Variants in CTBS observed in about 807,000 individuals in gnomAD.
CTBS encodes the protein chitobiase.
A neutral mutation model predicts 44.3 loss-of-function variants in CTBS; 35 were observed. That is an observed-to-expected ratio of 0.79 (90% confidence interval 0.60 to 1.05). The LOEUF (loss-of-function observed/expected upper bound fraction) is 1.05, where lower values mean the gene tolerates loss of function less well. Ranked by LOEUF, CTBS falls within the 50% of genes least tolerant of loss-of-function variation. The pLI is 0.00. For missense variants in CTBS, 458 were observed against 475.3 expected (o/e 0.96, Z 0.34); for synonymous variants, 143 against 168.0 (o/e 0.85, Z 1.15).
rs1264255894 is a variant in CTBS at position 84,553,882 on chromosome 1, A to C, written c.*1117T>G. The C allele has an allele frequency of 6.6e-6, 1 of 152,222 alleles. No individual in the cohort carries two copies. Among genetic ancestry groups the C allele is most frequent in the African/African-American group, 2.4e-5 (1 of 41,462 alleles). 9.4% of individuals were successfully genotyped at this position (152,222 alleles called of 1,614,324 possible). ...ATAAGGGCAGCACAATGTTGTTCTT[A>C]ATTCCCTGGAGAAAGAAAACAGACT... On this transcript the variant is annotated 3_prime_UTR_variant, in exon 7 of 7. Coordinates refer to ENST00000370630, the MANE Select transcript of CTBS (RefSeq NM_004388.3).
chr1:84,562,415 G>A (rs934177237), intron 6 of CTBS, among the ~76,000 whole-genome samples: 1 of 152,150 alleles, frequency 6.6e-6, no homozygotes, highest in South Asian at 2.1e-4. Flanking sequence ...GCATACACAT[G>A]TATATCAATT....
rs1406661351 is a variant in CTBS at position 84,554,077 on chromosome 1, G to A, written c.*922C>T. On this transcript the variant is annotated 3_prime_UTR_variant, in exon 7 of 7. Coordinates refer to ENST00000370630, the MANE Select transcript of CTBS (RefSeq NM_004388.3). ...GGAGTGCTTGAGCCCAGGAGTTGGA[G>A]ACCCATCTGGACAACATAGCGAGAC... 1.3e-5 allele frequency: 2 copies of A among 152,058 alleles called. No homozygotes were observed. Among genetic ancestry groups the A allele is most frequent in the Non-Finnish European group, 2.9e-5 (2 of 68,024 alleles). The allele number at this position is 152,058 out of a possible 1,614,324, so 9.4% of individuals were successfully genotyped here. A position where few individuals can be genotyped will look rare whatever the true frequency, so the allele number is the denominator to read the frequency against.
chr1:84,560,573 C>A lies in CTBS; in HGVS notation c.957+2684G>T, dbSNP rs72950341. Among the ~76,000 whole-genome samples, 5 of 152,222 alleles carry A rather than the reference C, an allele frequency of 3.3e-5. No individual in the cohort carries two copies. In the East Asian group the frequency reaches 7.7e-4, roughly 24 times the overall value. On this transcript the variant is annotated intron_variant, in intron 6 of 6. Coordinates refer to ENST00000370630, the MANE Select transcript of CTBS (RefSeq NM_004388.3). Reference sequence around the variant, plus strand: ...TCAAACACATTTTAAAAGGCAGAGACCCCTTTCTTCAAATAAATCTTATAT... The same window carrying A: ...TCAAACACATTTTAAAAGGCAGAGAACCCTTTCTTCAAATAAATCTTATAT...
In CTBS at chr1:84,554,665, T is replaced by C. The variant is rs1684375388; in HGVS notation, c.*334A>G. On this transcript the variant is annotated 3_prime_UTR_variant, in exon 7 of 7. Transcript: ENST00000370630. ...CTTCAGATTATACATATTTTAAAAA[T>C]CAGCATTGATTCGTGAGCATATATT... 4 of 184,870 alleles carry C rather than the reference T, an allele frequency of 2.2e-5. No individual in the cohort carries two copies. The South Asian group carries it at 4.8e-4, about 22-fold the overall frequency. 11.5% of individuals were successfully genotyped at this position (184,870 alleles called of 1,614,324 possible). A position where few individuals can be genotyped will look rare whatever the true frequency, so the allele number is the denominator to read the frequency against.
rs879465689 is a variant in CTBS, at chr1:84,550,971, C to T, written c.*4028G>A. On this transcript the variant is annotated 3_prime_UTR_variant, in exon 7 of 7. Transcript: ENST00000370630. ...TTAAATATGAATAATGTGTCTTCTA[C>T]TAGATGTTAAGTTTCCTTCCTGGCA... 2.3e-4 allele frequency: 225 copies of T among 983,220 alleles called. No individual in the cohort carries two copies. Among genetic ancestry groups the T allele is most frequent in the Admixed American group, 9.2e-4 (15 of 16,218 alleles). 60.9% of individuals were successfully genotyped at this position (983,220 alleles called of 1,614,324 possible). A position where few individuals can be genotyped will look rare whatever the true frequency, so the allele number is the denominator to read the frequency against.
intron 2 of CTBS, among the ~76,000 whole-genome samples, 155 bp downstream of exon 2, chr1:84,570,427 G>A (rs1449394733): frequency 1.3e-5 from 2 of 152,178 alleles, no homozygotes. Context: ...AAAGATCTGT[G>A]TTTGTGAAAT....
chr1:84,568,602 C>T (rs1356743700), intron 3 of CTBS, among the ~76,000 whole-genome samples: 8 of 152,168 alleles, frequency 5.3e-5, no homozygotes, highest in African/African-American at 1.9e-4. Context: ...TATCCCAGAC[C>T]TACTGAGTCA....
intron 4 of CTBS, among the ~76,000 whole-genome samples, chr1:84,565,075 G>T (rs1256236213): frequency 6.6e-6 from 1 of 151,908 alleles, no homozygotes; most frequent in Non-Finnish European, 1.5e-5. Context: ...GCTGGGCATG[G>T]TGGCATGCAC....
At position 84,563,960 on chromosome 1, in the gene CTBS, T is replaced by C. The variant is rs1451826597; in HGVS notation, c.698-128A>G. The stretch of plus-strand genomic sequence containing the variant: ...ATTTATAAAAAACACTAATATTGTT[T>C]AATATGTTATAAAACATCCCTTAAG... On this transcript the variant is annotated intron_variant, in intron 4 of 6. Coordinates refer to ENST00000370630, the MANE Select transcript of CTBS (RefSeq NM_004388.3). The C allele has an allele frequency of 2.7e-5, 29 of 1,075,936 alleles. 1 individual carries two copies. In the South Asian group the frequency reaches 6.7e-4, roughly 25 times the overall value. 66.6% of individuals were successfully genotyped at this position (1,075,936 alleles called of 1,614,324 possible).
rs1402592730 is a variant in CTBS, at chr1:84,553,077, G to A, written c.*1922C>T. 6.6e-7 allele frequency: 1 copy of A among 1,525,142 alleles called. No individual in the cohort carries two copies. The highest frequency in any genetic ancestry group is 1.3e-5 in the South Asian group (1 of 78,400). 94.5% of individuals were successfully genotyped at this position (1,525,142 alleles called of 1,614,324 possible). ...TTCAGATTTACGAACATTGAAAACTGAACTGGCACAGAAAAAAAAAATAAT... is the reference window on the plus strand; with the variant it reads ...TTCAGATTTACGAACATTGAAAACTAAACTGGCACAGAAAAAAAAAATAAT... On this transcript the variant is annotated 3_prime_UTR_variant, in exon 7 of 7. Transcript: ENST00000370630.
At chr1:84,573,576 G>A (rs1319520977) in intron 1 of CTBS, among the ~76,000 whole-genome samples, 1 of 152,126 alleles carries the variant, frequency 6.6e-6, no homozygotes, top group Non-Finnish European at 1.5e-5. Context: ...CAAAAGAATC[G>A]TTCTTTGAAT....
chr1:84,550,246 A>G lies in CTBS; in HGVS notation c.*4753T>C. The G allele has an allele frequency of 5.5e-6, 2 of 365,520 alleles. No homozygotes were observed. The highest frequency in any genetic ancestry group is 1.0e-5 in the Non-Finnish European group (2 of 200,572). 22.6% of individuals were successfully genotyped at this position (365,520 alleles called of 1,614,324 possible). On this transcript the variant is annotated 3_prime_UTR_variant, in exon 7 of 7. Coordinates refer to ENST00000370630, the MANE Select transcript of CTBS (RefSeq NM_004388.3). ...GGTAACTTTAGAGAAAGTGTTCCCT[A>G]AAATGCAAGAAATCAACAGAAACAA...
chr1:84,572,822 GT>G (rs1174530944), intron 1 of CTBS, among the ~76,000 whole-genome samples: 2 of 152,048 alleles, frequency 1.3e-5, no homozygotes, highest in African/African-American at 4.8e-5. Context: ...CGGATTACAT[GT>G]GCCCGCCACC....
intron 6 of CTBS, among the ~76,000 whole-genome samples, chr1:84,557,932 C>T (rs1382830872): frequency 1.3e-5 from 2 of 151,324 alleles, no homozygotes; most frequent in Admixed American, 6.6e-5. Context: ...GCCTTCAATG[C>T]GCACCAAAAT....
intron 4 of CTBS, among the ~76,000 whole-genome samples, chr1:84,565,224 CA>C (rs1216222410): frequency 6.7e-6 from 1 of 150,358 alleles, no homozygotes; most frequent in Non-Finnish European, 1.5e-5. Context: ...AAAAAAAAAA[CA>C]AAAGAACAAG....
In CTBS at chr1:84,551,125, T is replaced by G. The variant is rs1684258311; in HGVS notation, c.*3874A>C. The stretch of plus-strand genomic sequence containing the variant: ...AACTAATTACATCATAGAAATTATC[T>G]GTGAAGTACATATGTATTAAAAAGC... On this transcript the variant is annotated 3_prime_UTR_variant, in exon 7 of 7. Coordinates refer to ENST00000370630, the MANE Select transcript of CTBS (RefSeq NM_004388.3). The G allele has an allele frequency of 3.0e-6, 3 of 985,240 alleles. No homozygotes were observed. Among genetic ancestry groups the G allele is most frequent in the Non-Finnish European group, 3.6e-6 (3 of 829,820 alleles). The allele number at this position is 985,240 out of a possible 1,614,324, so 61.0% of individuals were successfully genotyped here.
At chr1:84,563,627 C>A (rs931065310) in intron 5 of CTBS, 108 bp downstream of exon 5, 8 of 717,170 alleles carry the variant, frequency 1.1e-5, no homozygotes, top group African/African-American at 1.9e-5. Context: ...ATTTTTATCT[C>A]AAACTATATT....
intron 1 of CTBS, chr1:84,574,006 T>C: frequency 1.4e-6 from 2 of 1,391,810 alleles, no homozygotes; most frequent in Non-Finnish European, 1.9e-6. Flanking sequence ...TGGTTTGAAC[T>C]CTCGCCTGCC....
chr1:84,560,101 GAAA>G (rs1684561103), intron 6 of CTBS, among the ~76,000 whole-genome samples: 4 of 15,634 alleles, frequency 2.6e-4, no homozygotes, highest in Admixed American at 1.9e-3. Context: ...AAAAAAAAAA[GAAA>G]GAAAGAAAGA....
Sources: allele counts gnomAD v4.1 joint callset (sites outside exome capture counted in the v4.1 genomes callset), GRCh38; gene constraint gnomAD v4.1.1; transcripts MANE v1.5; gene names NCBI Gene and HGNC (gene_info 2026-07-23, HGNC 2026-07-21).